NEK1: variants seen among roughly 807,000 people sequenced by gnomAD.
NEK1 encodes NIMA related kinase 1, also known as serine/threonine-protein kinase Nek1.
A neutral mutation model predicts 182.1 loss-of-function variants in NEK1; 137 were observed. The ratio of observed to expected loss-of-function variants is 0.75; its 90% confidence interval spans 0.65 to 0.87. The LOEUF (loss-of-function observed/expected upper bound fraction) is 0.87, where lower values mean the gene tolerates loss of function less well. NEK1 is among the 40% of genes least tolerant of loss of function. NEK1 has a pLI of 0.00. For synonymous variants in NEK1, 513 were observed against 492.2 expected (o/e 1.04, Z -0.56); for missense variants, 1,391 against 1,494.4 (o/e 0.93, Z 1.14).
At chr4:169,549,524 G>T (rs1481293962) in intron 18 of NEK1, among the ~76,000 whole-genome samples, 1 of 152,140 alleles carries the variant, frequency 6.6e-6, no homozygotes, top group Admixed American at 6.5e-5. Context: ...CTGGGTTCAA[G>T]CAATTCTCCT....
intron 2 of NEK1, among the ~76,000 whole-genome samples, chr4:169,608,654 C>T (rs1401863473): frequency 6.6e-6 from 1 of 152,110 alleles, no homozygotes; most frequent in Non-Finnish European, 1.5e-5. Context: ...GACCAAAAAA[C>T]ACAACAATCC....
At chr4:169,477,066 C>T (rs1003657034) in intron 26 of NEK1, 58 bp downstream of exon 26, 48 of 1,175,778 alleles carry the variant, frequency 4.1e-5, no homozygotes, top group South Asian at 1.5e-4. Flanking sequence ...AGTGGTTAGT[C>T]TATAAGTTTA....
Position 169,491,162 on chromosome 4 carries a change from A to G in NEK1, c.2008-11628T>C, listed in dbSNP as rs28797891. 7.1e-3 allele frequency among the ~76,000 whole-genome samples: 873 copies of G among 122,882 alleles called. 29 individuals carry two copies. The highest frequency in any genetic ancestry group is 0.026 in the African/African-American group (814 of 31,310). 80.6% of individuals were successfully genotyped at this position (122,882 alleles called of 152,430 possible). ...AAAAAAAAAAAAAAAAAAAAAAAAA[A>G]AGAGAGATGGAGAAAGGCACAGAAG... On this transcript the variant is annotated intron_variant, in intron 23 of 35. Coordinates refer to ENST00000507142, the MANE Select transcript of NEK1 (RefSeq NM_001199397.3).
chr4:169,541,286 GA>G (rs1360652143), intron 18 of NEK1, among the ~76,000 whole-genome samples: 7 of 152,016 alleles, frequency 4.6e-5, no homozygotes, highest in African/African-American at 1.4e-4. Flanking sequence ...GAAGGACTTG[GA>G]AAAAGTAAAA....
intron 11 of NEK1, 21 bp from the exon 12 acceptor site, chr4:169,577,100 A>G: frequency 6.2e-7 from 1 of 1,612,504 alleles, no homozygotes; most frequent in Non-Finnish European, 8.5e-7. Flanking sequence ...AGATACAAAG[A>G]ATTTTGTCTG....
chr4:169,406,623 TTAA>T lies in NEK1; in HGVS notation c.3344_3346del (p.Ile1115del), dbSNP rs1386137722. ...GTCTTCAGAATCAGAAGGTCCTTCT[TTAA>T]TGTTTTCATCTTCAATTTCATCTAT... On this transcript the variant is annotated inframe_deletion, in exon 32 of 36. Coordinates refer to ENST00000507142, the MANE Select transcript of NEK1 (RefSeq NM_001199397.3). 3 of 1,605,286 alleles carry T rather than the reference TTAA, an allele frequency of 1.9e-6. No individual in the cohort carries two copies. The Admixed American group carries it at 5.1e-5, about 27-fold the overall frequency.
intron 9 of NEK1, 64 bp from the exon 10 acceptor site, chr4:169,585,613 A>T (rs910455852): frequency 1.4e-5 from 14 of 1,013,958 alleles, no homozygotes; most frequent in Non-Finnish European, 1.9e-5. Flanking sequence ...GAATATCGGT[A>T]ATGAGAAATA....
chr4:169,477,934 G>A (rs1747276873), intron 24 of NEK1, among the ~76,000 whole-genome samples: 1 of 151,958 alleles, frequency 6.6e-6, no homozygotes. Context: ...TTCTAAAACT[G>A]TCTTTATGTT....
chr4:169,465,714 G>A (rs1376605720), intron 26 of NEK1, among the ~76,000 whole-genome samples: 1 of 152,058 alleles, frequency 6.6e-6, no homozygotes, highest in African/African-American at 2.4e-5. Context: ...ATTCAGAAAG[G>A]TTGTTGATGC....
At chr4:169,557,839 G>C (rs1258981215) in intron 16 of NEK1, among the ~76,000 whole-genome samples, 1 of 152,172 alleles carries the variant, frequency 6.6e-6, no homozygotes, top group Non-Finnish European at 1.5e-5. Context: ...GCTGAGATGG[G>C]AAGATTGCTT....
chr4:169,499,661 G>A (rs998934967), intron 23 of NEK1, among the ~76,000 whole-genome samples: 2 of 152,212 alleles, frequency 1.3e-5, no homozygotes, highest in African/African-American at 4.8e-5. Flanking sequence ...GTTTGCTGGA[G>A]ATCCACTCCA....
At chr4:169,588,832 G>A (rs546569436) in intron 7 of NEK1, 97 bp from the exon 8 acceptor site, 34 of 740,942 alleles carry the variant, frequency 4.6e-5, no homozygotes, top group Admixed American at 3.1e-4. Context: ...ATATGATGCT[G>A]GTCCCATAAG....
Position 169,590,746 on chromosome 4 carries a change from G to A in NEK1, c.376C>T (p.His126Tyr), listed in dbSNP as rs1245063677. ...LKHVHDRKIL[H>Y]RDIKSQNIFL... is the part of the protein sequence containing the mutation. ...CATACCTGAGATTTAATGTCTCGATGAAGAATTTTTCTATCATGTACATGT... is the reference window on the plus strand; with the variant it reads ...CATACCTGAGATTTAATGTCTCGATAAAGAATTTTTCTATCATGTACATGT... Residue 126 changes from histidine (H) to tyrosine (Y), a missense_variant, in exon 6 of 36, where the codon CAT becomes TAT. His to Tyr is a moderately conservative substitution (Grantham distance 83). Around this residue, in one of 5 missense-constraint regions of NEK1, gnomAD observed 116 missense variants for 114.5 expected, o/e 1.01. Transcript: ENST00000507142. 1 of 1,594,496 alleles carries A rather than the reference G, an allele frequency of 6.3e-7. No individual in the cohort carries two copies. The highest frequency in any genetic ancestry group is 1.1e-5 in the South Asian group (1 of 87,816).
chr4:169,579,704 C>T (rs112315151), intron 11 of NEK1, among the ~76,000 whole-genome samples: 14,642 of 151,106 alleles, frequency 0.097, 779 homozygotes, highest in East Asian at 0.17. Flanking sequence ...CAGGTGAATC[C>T]CTTGAACCCG....
intron 10 of NEK1, among the ~76,000 whole-genome samples, chr4:169,584,827 T>C (rs2150068665): frequency 6.6e-6 from 1 of 152,144 alleles, no homozygotes; most frequent in South Asian, 2.1e-4. Context: ...GATTTTACAG[T>C]TAGAAATCCA....
chr4:169,524,700 T>C (rs150442896), intron 19 of NEK1, among the ~76,000 whole-genome samples: 381 of 152,302 alleles, frequency 2.5e-3, no homozygotes, highest in African/African-American at 9.0e-3. Flanking sequence ...CTATGGTCCA[T>C]GGTCCAAATC....
chr4:169,490,239 G>A (rs192430690), intron 23 of NEK1, among the ~76,000 whole-genome samples: 14 of 152,214 alleles, frequency 9.2e-5, no homozygotes, highest in Non-Finnish European at 1.9e-4. Flanking sequence ...CCTGGAACCA[G>A]AGGCAGAACC....
At position 169,535,122 on chromosome 4, in the gene NEK1, TC is replaced by T. The variant is rs202048833; in HGVS notation, c.1665+2686del. ...ATCACCTGAGGTCAGGGGTTCGAGA[TC>T]AGCCTGGCCAACATGGTGAAACCCC... On this transcript the variant is annotated intron_variant, in intron 19 of 35. Transcript: ENST00000507142. 2.9e-3 allele frequency among the ~76,000 whole-genome samples: 444 copies of T among 151,734 alleles called. 1 individual carries two copies. The highest frequency in any genetic ancestry group is 1.0e-2 in the African/African-American group (413 of 41,392).
chr4:169,582,556 T>C (rs1191414614), intron 10 of NEK1, among the ~76,000 whole-genome samples: 1 of 152,182 alleles, frequency 6.6e-6, no homozygotes, highest in Admixed American at 6.5e-5. Context: ...TTTTTTTCCT[T>C]TTCTTTTTCT....
Sources: allele counts gnomAD v4.1 joint callset (sites outside exome capture counted in the v4.1 genomes callset), GRCh38; gene constraint gnomAD v4.1.1; regional missense constraint gnomAD v4.1.1; transcripts MANE v1.5; gene names NCBI Gene and HGNC (gene_info 2026-07-23, HGNC 2026-07-21).